CHD9NB: variants seen among roughly 807,000 people sequenced by gnomAD.
The protein encoded by CHD9NB is CHD9 neighbor protein.
At chr16:53,051,768 A>AATATATATATATAT in the CHD9NB span, among the ~76,000 whole-genome samples, 176 of 104,514 alleles carry the variant, frequency 1.7e-3, 4 homozygotes, top group East Asian at 2.5e-3. Context: ...TAAAAGTATA[A>AATATATATATATAT]ATATATATAT....
chr16:53,048,084 G>GA, the CHD9NB span, among the ~76,000 whole-genome samples: 10 of 151,204 alleles, frequency 6.6e-5, no homozygotes, highest in Non-Finnish European at 1.5e-4. Context: ...AGGAAGGAAA[G>GA]AAAAAAAATC....
At chr16:53,050,842 A>T in the CHD9NB span, among the ~76,000 whole-genome samples, 2 of 151,636 alleles carry the variant, frequency 1.3e-5, no homozygotes, top group Non-Finnish European at 2.9e-5. Context: ...CCATGACTCC[A>T]GTGCCACCAT....
At chr16:53,038,730 G>A in the CHD9NB span, among the ~76,000 whole-genome samples, 1 of 152,144 alleles carries the variant, frequency 6.6e-6, no homozygotes, top group South Asian at 2.1e-4. Flanking sequence ...GAGAGAGATT[G>A]GGCTTAATTC....
At chr16:53,048,177 G>T in the CHD9NB span, among the ~76,000 whole-genome samples, 5 of 152,278 alleles carry the variant, frequency 3.3e-5, no homozygotes, top group African/African-American at 1.2e-4. Flanking sequence ...GCTGAGGCAG[G>T]CAAGTCACTT....
the CHD9NB span, among the ~76,000 whole-genome samples, chr16:53,038,799 T>C: frequency 6.6e-6 from 1 of 152,230 alleles, no homozygotes; most frequent in African/African-American, 2.4e-5. Flanking sequence ...GATCAGTGAA[T>C]GGATTAAAAC....
the CHD9NB span, among the ~76,000 whole-genome samples, chr16:53,041,781 A>T: frequency 2.5e-5 from 3 of 119,274 alleles, no homozygotes; most frequent in African/African-American, 3.9e-5. Context: ...GAGTTGTCTT[A>T]AAAAAAAAAA....
the CHD9NB span, among the ~76,000 whole-genome samples, chr16:53,036,897 T>C: frequency 6.6e-6 from 1 of 152,166 alleles, no homozygotes; most frequent in African/African-American, 2.4e-5. Context: ...CCAAGCCAAG[T>C]TGAAAGTGTT....
At chr16:53,040,048 A>G in the CHD9NB span, among the ~76,000 whole-genome samples, 8 of 152,020 alleles carry the variant, frequency 5.3e-5, no homozygotes, top group Non-Finnish European at 8.8e-5. Flanking sequence ...TCAGTATAAA[A>G]TACAAGGCAC....
At chr16:53,049,454 A>G in the CHD9NB span, among the ~76,000 whole-genome samples, 1 of 152,082 alleles carries the variant, frequency 6.6e-6, no homozygotes. Flanking sequence ...GGGATTACAG[A>G]CATGAGCCAC....
chr16:53,051,879 A>T, the CHD9NB span, among the ~76,000 whole-genome samples: 1 of 148,612 alleles, frequency 6.7e-6, no homozygotes, highest in Non-Finnish European at 1.5e-5. Flanking sequence ...GTGCTTAGTA[A>T]ACAGTAGTGA....
At chr16:53,040,441 T>C in the CHD9NB span, among the ~76,000 whole-genome samples, 3 of 152,218 alleles carry the variant, frequency 2.0e-5, no homozygotes, top group African/African-American at 7.2e-5. Flanking sequence ...CTTAGGCTCC[T>C]ATTACACTGT....
the CHD9NB span, among the ~76,000 whole-genome samples, chr16:53,037,511 G>C: frequency 2.0e-5 from 3 of 152,176 alleles, no homozygotes; most frequent in African/African-American, 4.8e-5. Flanking sequence ...GGTTTTTAGG[G>C]CTTCAATGAG....
chr16:53,044,389 C>T, the CHD9NB span: 2 of 381,470 alleles, frequency 5.2e-6, no homozygotes, highest in Non-Finnish European at 4.6e-6. Context: ...CAATTCCAGG[C>T]ACTGTGCCCC....
At chr16:53,041,091 A>G in the CHD9NB span, among the ~76,000 whole-genome samples, 2 of 152,136 alleles carry the variant, frequency 1.3e-5, no homozygotes, top group African/African-American at 4.8e-5. Context: ...TGGATGATGG[A>G]TAATGGATGG....
At chr16:53,045,908 C>T in the CHD9NB span, among the ~76,000 whole-genome samples, 1 of 152,132 alleles carries the variant, frequency 6.6e-6, no homozygotes, top group Non-Finnish European at 1.5e-5. Flanking sequence ...CACTCCAACC[C>T]CCTTTCTGCC....
At chr16:53,038,927 A>G in the CHD9NB span, among the ~76,000 whole-genome samples, 1 of 152,162 alleles carries the variant, frequency 6.6e-6, no homozygotes, top group Non-Finnish European at 1.5e-5. Flanking sequence ...AGTGTTTGCA[A>G]TCATTATTTA....
At chr16:53,047,357 C>G in the CHD9NB span, 29 of 152,248 alleles carry the variant, frequency 1.9e-4, no homozygotes, top group African/African-American at 6.0e-4. Context: ...TTAGTGAGCC[C>G]TGGATGCCAT....
At chr16:53,050,791 C>T in the CHD9NB span, among the ~76,000 whole-genome samples, 1 of 152,112 alleles carries the variant, frequency 6.6e-6, no homozygotes, top group Admixed American at 6.5e-5. Flanking sequence ...CTCCCTCTTT[C>T]CTTCTCTACG....
the CHD9NB span, among the ~76,000 whole-genome samples, chr16:53,050,181 T>A: frequency 2.6e-5 from 4 of 151,786 alleles, no homozygotes; most frequent in Non-Finnish European, 5.9e-5. Flanking sequence ...CCAGCCTGGG[T>A]AGGAGTAGTA....
Sources: gnomAD v4.1 joint callset for allele counts (sites outside exome capture counted in the v4.1 genomes callset) on GRCh38, gnomAD v4.1.1 for gene constraint, MANE v1.5 for transcripts, NCBI Gene and HGNC (gene_info 2026-07-23, HGNC 2026-07-21) for gene names.